GPCPD1: variants seen among roughly 807,000 people sequenced by gnomAD.
GPCPD1 encodes glycerophosphocholine phosphodiesterase GPCPD1.
Under a neutral mutation model 89.2 loss-of-function variants are expected in GPCPD1, and 29 were observed. The observed-to-expected ratio is 0.33, with a 90% confidence interval of 0.24 to 0.44. The LOEUF (loss-of-function observed/expected upper bound fraction) is 0.44. Ranked by LOEUF, GPCPD1 falls within the 20% of genes least tolerant of loss-of-function variation. The pLI is 1.00. For synonymous variants in GPCPD1, 258 were observed against 266.3 expected (o/e 0.97, Z 0.30); for missense variants, 594 against 808.9 (o/e 0.73, Z 3.22).
intron 7 of GPCPD1, among the ~76,000 whole-genome samples, chr20:5,579,101 C>T (rs2122682776): frequency 6.6e-6 from 1 of 152,228 alleles, no homozygotes; most frequent in South Asian, 2.1e-4. Context: ...GGGAGGATCA[C>T]TTGAGCGTGA....
In GPCPD1 at chr20:5,546,923, T is replaced by C. The variant is rs529701811; in HGVS notation, c.*738A>G. ...ACCTAAAGCATGCACTGAATTGAAT[T>C]TGTATGTTGTGATCTATTCTACTAA... On this transcript the variant is annotated 3_prime_UTR_variant, in exon 20 of 20. Coordinates refer to ENST00000379019, the MANE Select transcript of GPCPD1 (RefSeq NM_019593.5). The C allele has an allele frequency of 1.7e-4, 26 of 152,778 alleles. No homozygotes were observed. Among genetic ancestry groups the C allele is most frequent in the African/African-American group, 6.3e-4 (26 of 41,580 alleles). The allele number at this position is 152,778 out of a possible 1,614,324, so 9.5% of individuals were successfully genotyped here.
At chr20:5,582,369 A>T (rs1243593483) in intron 6 of GPCPD1, among the ~76,000 whole-genome samples, 1 of 152,090 alleles carries the variant, frequency 6.6e-6, no homozygotes, top group Non-Finnish European at 1.5e-5. Flanking sequence ...ATCAAGGAAA[A>T]GATGTCAAAT....
At chr20:5,605,500 C>G (rs1057193549) in intron 1 of GPCPD1, among the ~76,000 whole-genome samples, 2 of 152,154 alleles carry the variant, frequency 1.3e-5, no homozygotes, top group African/African-American at 4.8e-5. Context: ...AAGAAGGAGT[C>G]CAGGCAAGTG....
intron 15 of GPCPD1, among the ~76,000 whole-genome samples, chr20:5,563,465 G>C (rs1046192344): frequency 6.6e-6 from 1 of 152,138 alleles, no homozygotes; most frequent in Non-Finnish European, 1.5e-5. Flanking sequence ...ATCTTACTTA[G>C]ATGGGCTTCA....
intron 4 of GPCPD1, among the ~76,000 whole-genome samples, chr20:5,589,091 A>G (rs1979142680): frequency 6.6e-6 from 1 of 152,172 alleles, no homozygotes; most frequent in Non-Finnish European, 1.5e-5. Context: ...AACCACCTAG[A>G]CTTGAATAGA....
At chr20:5,553,759 T>C (rs913033313) in intron 19 of GPCPD1, among the ~76,000 whole-genome samples, 1 of 152,210 alleles carries the variant, frequency 6.6e-6, no homozygotes, top group Non-Finnish European at 1.5e-5. Context: ...CTCTCTTCAG[T>C]TCTATCAAGG....
intron 11 of GPCPD1, among the ~76,000 whole-genome samples, chr20:5,572,498 T>G (rs1158791612): frequency 3.3e-5 from 5 of 152,200 alleles, no homozygotes; most frequent in African/African-American, 1.2e-4. Flanking sequence ...CTAAAATATT[T>G]TAAAAGTACA....
At chr20:5,554,935 T>G (rs1166764250) in intron 19 of GPCPD1, among the ~76,000 whole-genome samples, 1 of 152,160 alleles carries the variant, frequency 6.6e-6, no homozygotes, top group Non-Finnish European at 1.5e-5. Context: ...TCAATCCTCA[T>G]AGATGCCAGA....
At chr20:5,585,549 T>C (rs908039040) in intron 5 of GPCPD1, 1 of 150,988 alleles carries the variant, frequency 6.6e-6, no homozygotes, top group Non-Finnish European at 1.5e-5. Flanking sequence ...CAAAAATACT[T>C]GTATGAAGAG....
At chr20:5,590,269 G>A (rs894660001) in intron 4 of GPCPD1, among the ~76,000 whole-genome samples, 5 of 152,102 alleles carry the variant, frequency 3.3e-5, no homozygotes, top group African/African-American at 1.2e-4. Context: ...GGCCACGTGC[G>A]GTGGCTCCTG....
At chr20:5,588,412 C>G (rs1308468747) in intron 4 of GPCPD1, among the ~76,000 whole-genome samples, 1 of 151,690 alleles carries the variant, frequency 6.6e-6, no homozygotes, top group Non-Finnish European at 1.5e-5. Flanking sequence ...GGCTGAGGCA[C>G]GAGAATTGCT....
chr20:5,609,559 C>T (rs1211823706), intron 1 of GPCPD1, among the ~76,000 whole-genome samples: 1 of 152,160 alleles, frequency 6.6e-6, no homozygotes, highest in Non-Finnish European at 1.5e-5. Context: ...GTGTATGTTT[C>T]ATACCTTTTT....
chr20:5,558,622 TTAC>T (rs1344198007), intron 18 of GPCPD1, 59 bp downstream of exon 18: 1 of 991,408 alleles, frequency 1.0e-6, no homozygotes, highest in African/African-American at 1.7e-5. Context: ...TATGAAATCT[TTAC>T]TACTACTCCA....
rs1255274616 is a variant in GPCPD1, at chr20:5,545,701, C to A, written c.*1960G>T. The A allele has an allele frequency of 6.6e-6, 1 of 152,238 alleles. No individual in the cohort carries two copies. The highest frequency in any genetic ancestry group is 1.5e-5 in the Non-Finnish European group (1 of 68,066). The allele number at this position is 152,238 out of a possible 1,614,324, so 9.4% of individuals were successfully genotyped here. A position where few individuals can be genotyped will look rare whatever the true frequency, so the allele number is the denominator to read the frequency against. ...CCATTGCTTGTCATGTTTTAATCAT[C>A]TACTAACACTGGTTCATAAGGTCAG... On this transcript the variant is annotated 3_prime_UTR_variant, in exon 20 of 20. Coordinates refer to ENST00000379019, the MANE Select transcript of GPCPD1 (RefSeq NM_019593.5).
At position 5,547,624 on chromosome 20, in the gene GPCPD1, G is replaced by A. The variant is rs767793810; in HGVS notation, c.*37C>T. On this transcript the variant is annotated 3_prime_UTR_variant, in exon 20 of 20. Transcript: ENST00000379019. ...ATGAAAAATGAATACCCAGAACAGC[G>A]GTGCACGCCCCCAAAATGACCTCTG... 29 of 1,124,958 alleles carry A rather than the reference G, an allele frequency of 2.6e-5. No homozygotes were observed. Among genetic ancestry groups the A allele is most frequent in the Admixed American group, 3.8e-5 (2 of 51,982 alleles). 69.7% of individuals were successfully genotyped at this position (1,124,958 alleles called of 1,614,324 possible).
intron 3 of GPCPD1, 68 bp downstream of exon 3, chr20:5,598,657 C>T: frequency 1.1e-6 from 1 of 871,898 alleles, no homozygotes; most frequent in Non-Finnish European, 1.9e-6. Flanking sequence ...ACCAAGATAT[C>T]TTAAAAGCCC....
chr20:5,578,380 T>C lies in GPCPD1; in HGVS notation c.705A>G (p.Glu235=), dbSNP rs1413707785. 2.5e-6 allele frequency: 4 copies of C among 1,577,204 alleles called. No individual in the cohort carries two copies. The highest frequency in any genetic ancestry group is 1.3e-5 in the African/African-American group (1 of 74,176). ...TCCCCTCACTGCAGTAACTACTCAC[T>C]TCGAAAAAATCAAAGATTAGTTCCA... is the stretch of plus-strand genomic sequence containing the variant. ...DNLELIFDFF[E]EDLSEHVVQG... is the part of the protein sequence containing the mutation. The change falls in exon 8 of 20, where the codon GAA becomes GAG. Residue 235 remains glutamate (E), a splice_region_variant and synonymous_variant. Coordinates refer to ENST00000379019, the MANE Select transcript of GPCPD1 (RefSeq NM_019593.5).
rs1978309845 is a variant in GPCPD1 at position 5,578,614 on chromosome 20, A to G, written c.474-3T>C. On this transcript the variant is annotated splice_polypyrimidine_tract_variant and splice_region_variant and intron_variant, in intron 7 of 19. Transcript: ENST00000379019. Reference sequence around the variant, plus strand: ...GGCCTTCTAGTGTCAGCTTCACCCTACGTAATAAACAAAATAATGAGATGC... The same window carrying G: ...GGCCTTCTAGTGTCAGCTTCACCCTGCGTAATAAACAAAATAATGAGATGC... The G allele has an allele frequency of 1.3e-6, 2 of 1,568,478 alleles. No individual in the cohort carries two copies. Among genetic ancestry groups the G allele is most frequent in the Non-Finnish European group, 1.8e-6 (2 of 1,138,684 alleles).
At chr20:5,549,073 T>A (rs1418655186) in intron 19 of GPCPD1, 1 of 651,090 alleles carries the variant, frequency 1.5e-6, no homozygotes. Context: ...TCCAGTTGTC[T>A]AGTAATTTAA....
Sources: allele counts gnomAD v4.1 joint callset (sites outside exome capture counted in the v4.1 genomes callset), GRCh38; gene constraint gnomAD v4.1.1; transcripts MANE v1.5; gene names NCBI Gene and HGNC (gene_info 2026-07-23, HGNC 2026-07-21).